Variants in GRM8 observed in about 807,000 individuals in gnomAD.
GRM8 encodes glutamate metabotropic receptor 8.
GRM8 carries 47 observed loss-of-function variants against 87.2 expected under a neutral mutation model. The observed-to-expected ratio is 0.54, with a 90% CI of 0.43 to 0.69. The LOEUF (loss-of-function observed/expected upper bound fraction) is 0.69. Ranked by LOEUF, GRM8 falls within the 30% of genes least tolerant of loss-of-function variation. GRM8 has a pLI of 0.00. For synonymous variants in GRM8, 396 were observed against 404.5 expected, an observed-to-expected ratio of 0.98 and a Z score of 0.25; for missense variants, 1,019 against 1,139.2, an observed-to-expected ratio of 0.89 and a Z score of 1.52.
intron 3 of GRM8, among the ~76,000 whole-genome samples, chr7:127,017,356 C>G (rs924422052): frequency 1.3e-5 from 2 of 152,104 alleles, no homozygotes; most frequent in East Asian, 3.9e-4. Flanking sequence ...CATTGATCAG[C>G]TGACTCCTGT....
intron 3 of GRM8, among the ~76,000 whole-genome samples, chr7:127,035,986 T>C (rs1032808811): frequency 6.6e-6 from 1 of 152,206 alleles, no homozygotes; most frequent in African/African-American, 2.4e-5. Flanking sequence ...GGCTTTTAAT[T>C]ACCAACTACT....
At chr7:126,617,550 T>G (rs1799641928) in intron 7 of GRM8, among the ~76,000 whole-genome samples, 2 of 152,058 alleles carry the variant, frequency 1.3e-5, no homozygotes, top group Admixed American at 1.3e-4. Context: ...GAGAAAGAAA[T>G]AAAGGGTATT....
intron 9 of GRM8, among the ~76,000 whole-genome samples, chr7:126,457,321 C>G (rs1037327311): frequency 6.6e-6 from 1 of 150,822 alleles, no homozygotes; most frequent in Non-Finnish European, 1.5e-5. Flanking sequence ...ATCTTAAGTC[C>G]TAGAAAGAAA....
chr7:127,206,140 C>A (rs989513869), intron 2 of GRM8, among the ~76,000 whole-genome samples: 7 of 152,120 alleles, frequency 4.6e-5, no homozygotes, highest in Admixed American at 4.6e-4. Flanking sequence ...GCTGTGCATC[C>A]CAGGCTCTTC....
intron 7 of GRM8, among the ~76,000 whole-genome samples, chr7:126,687,159 C>T (rs1446139025): frequency 1.3e-5 from 2 of 152,242 alleles, no homozygotes; most frequent in African/African-American, 4.8e-5. Context: ...CTCCCCACCA[C>T]ACATGTATGT....
rs149770661 is a variant in GRM8 at position 126,556,879 on chromosome 7, G to T, written c.1495-22992C>A. Among the ~76,000 whole-genome samples the T allele has an allele frequency of 3.1e-4, 47 of 152,212 alleles. No homozygotes were observed. The East Asian group carries it at 8.3e-3, about 27-fold the overall frequency. ...TTTCTTTCCCTAATCAGATATAAAT[G>T]AAAGACTTATTCATTGGTGTCCATT... On this transcript the variant is annotated intron_variant, in intron 8 of 10. Coordinates refer to ENST00000339582, the MANE Select transcript of GRM8 (RefSeq NM_000845.3).
At chr7:126,778,869 T>C (rs1035747178) in intron 6 of GRM8, among the ~76,000 whole-genome samples, 2 of 151,976 alleles carry the variant, frequency 1.3e-5, no homozygotes, top group Non-Finnish European at 2.9e-5. Flanking sequence ...AAGTAATACA[T>C]ATTAATACTA....
chr7:126,532,709 G>A (rs1025239663), intron 9 of GRM8, among the ~76,000 whole-genome samples: 1 of 142,246 alleles, frequency 7.0e-6, no homozygotes, highest in African/African-American at 2.6e-5. Flanking sequence ...TGTTTTTCAT[G>A]GAAAATCAGG....
At chr7:127,074,848 C>G (rs965699800) in intron 3 of GRM8, among the ~76,000 whole-genome samples, 5 of 152,162 alleles carry the variant, frequency 3.3e-5, no homozygotes, top group Admixed American at 6.6e-5. Context: ...GATTCACTGA[C>G]AGAGTCAAGC....
At chr7:126,706,738 C>T (rs565055131) in intron 7 of GRM8, among the ~76,000 whole-genome samples, 1 of 152,174 alleles carries the variant, frequency 6.6e-6, no homozygotes, top group South Asian at 2.1e-4. Context: ...ATAATTCATG[C>T]TAAAGGAAAA....
At chr7:127,220,603 G>T (rs1396318650) in intron 2 of GRM8, among the ~76,000 whole-genome samples, 1 of 151,922 alleles carries the variant, frequency 6.6e-6, no homozygotes, top group African/African-American at 2.4e-5. Context: ...TCCCATCTCA[G>T]TCTCCCAAGT....
At chr7:126,716,499 T>C (rs913402832) in intron 7 of GRM8, among the ~76,000 whole-genome samples, 1 of 152,180 alleles carries the variant, frequency 6.6e-6, no homozygotes, top group Non-Finnish European at 1.5e-5. Flanking sequence ...GTCATTCTCC[T>C]TGGGTGCTGA....
chr7:126,983,796 A>G (rs1586670183), intron 3 of GRM8, among the ~76,000 whole-genome samples: 1 of 152,140 alleles, frequency 6.6e-6, no homozygotes, highest in Non-Finnish European at 1.5e-5. Context: ...CTTCAGGAAT[A>G]AAGGTTTGGG....
At chr7:126,962,665 C>A in intron 3 of GRM8, among the ~76,000 whole-genome samples, 1 of 152,152 alleles carries the variant, frequency 6.6e-6, no homozygotes, top group East Asian at 1.9e-4. Flanking sequence ...TTAACCAATC[C>A]TCTTCAATAA....
At chr7:126,483,552 C>T (rs1048335449) in intron 9 of GRM8, among the ~76,000 whole-genome samples, 12 of 135,882 alleles carry the variant, frequency 8.8e-5, no homozygotes, top group Middle Eastern at 4.7e-3. Flanking sequence ...ACCACTAATG[C>T]GTCCCTAACC....
intron 7 of GRM8, among the ~76,000 whole-genome samples, chr7:126,721,364 T>C (rs1256046883): frequency 6.6e-6 from 1 of 152,144 alleles, no homozygotes; most frequent in Non-Finnish European, 1.5e-5. Context: ...AAAGAATGAA[T>C]ATAATGAGGT....
chr7:126,533,911 G>A (rs1360529500), intron 8 of GRM8, 24 bp from the exon 9 acceptor site: 8 of 1,543,190 alleles, frequency 5.2e-6, no homozygotes, highest in Admixed American at 1.8e-5. Context: ...AAATTAATGA[G>A]CCTTCCATTT....
At chr7:126,716,038 C>G (rs1811699830) in intron 7 of GRM8, among the ~76,000 whole-genome samples, 1 of 152,050 alleles carries the variant, frequency 6.6e-6, no homozygotes, top group African/African-American at 2.4e-5. Flanking sequence ...TTTATATCAC[C>G]TAGGCATAAA....
In GRM8 at chr7:126,438,951, C is replaced by G; in HGVS notation, c.*168G>C. On this transcript the variant is annotated 3_prime_UTR_variant, in exon 11 of 11. Transcript: ENST00000339582. ...GTATAAAACGGGTTTCTTCACTCCCCGTTTATTGATACTTTTGGCTCATGG... is the reference window on the plus strand; with the variant it reads ...GTATAAAACGGGTTTCTTCACTCCCGGTTTATTGATACTTTTGGCTCATGG... 1 of 579,094 alleles carries G rather than the reference C, an allele frequency of 1.7e-6. No individual in the cohort carries two copies. 35.9% of individuals were successfully genotyped at this position (579,094 alleles called of 1,614,324 possible).
Sources: gnomAD v4.1 joint callset for allele counts (sites outside exome capture counted in the v4.1 genomes callset) on GRCh38, gnomAD v4.1.1 for gene constraint, MANE v1.5 for transcripts, NCBI Gene and HGNC (gene_info 2026-07-23, HGNC 2026-07-21) for gene names.